CACNA1H: variants seen among roughly 807,000 people sequenced by gnomAD.
CACNA1H encodes voltage-dependent T-type calcium channel subunit alpha-1H.
A neutral mutation model predicts 192.5 loss-of-function variants in CACNA1H; 149 were observed. The observed-to-expected ratio is 0.77, with a 90% confidence interval of 0.68 to 0.89. CACNA1H has a LOEUF of 0.89. Ranked by LOEUF, CACNA1H falls within the 40% of genes least tolerant of loss-of-function variation. CACNA1H has a pLI of 0.00. For missense variants in CACNA1H, 4,257 were observed against 3,423.5 expected (o/e 1.24, Z -6.08); for synonymous variants, 2,202 against 1,475.2 (o/e 1.49, Z -11.29).
chr16:1,207,041 A>C lies in CACNA1H; in HGVS notation c.2830A>C (p.Lys944Gln). The C allele has an allele frequency of 6.2e-7, 1 of 1,601,410 alleles. No homozygotes were observed. The highest frequency in any genetic ancestry group is 8.5e-7 in the Non-Finnish European group (1 of 1,174,132). Residue 944 changes from lysine (K) to glutamine (Q), a missense_variant, in exon 13 of 35, where the codon AAG (lysine) becomes CAG (glutamine). Physicochemically the swap from Lys to Gln is moderately conservative, Grantham distance 53. Transcript: ENST00000348261. ...CCTTTTCGGCTGCAAGTTCAGCCTG[A>C]AGACAGACACCGGAGACACCGTGCC... ...MHLFGCKFSL[K>Q]TDTGDTVPDR...
At position 1,204,420 on chromosome 16, in the gene CACNA1H, G is replaced by C. The variant is rs568477205; in HGVS notation, c.2413G>C (p.Val805Leu). 1 of 1,550,692 alleles carries C rather than the reference G, an allele frequency of 6.4e-7. No individual in the cohort carries two copies. ...CCGTGGCATCATGATGGCCATCCTTGTCAACACGCTGAGCATGGGCGTGGA... is the reference window on the plus strand; with the variant it reads ...CCGTGGCATCATGATGGCCATCCTTCTCAACACGCTGAGCATGGGCGTGGA... ...FSRGIMMAIL[V>L]NTLSMGVEYH... Residue 805 changes from valine (V) to leucine (L), a missense_variant, in exon 10 of 35, where the codon GTC (valine) becomes CTC (leucine). Val to Leu is a conservative substitution (Grantham distance 32). Coordinates refer to ENST00000348261, the MANE Select transcript of CACNA1H (RefSeq NM_021098.3).
intron 2 of CACNA1H, among the ~76,000 whole-genome samples, chr16:1,187,895 G>C (rs1367668567): frequency 1.3e-5 from 2 of 152,216 alleles, no homozygotes; most frequent in Non-Finnish European, 2.9e-5. Flanking sequence ...CATCTGTCCT[G>C]ACCTTCCTTC....
intron 2 of CACNA1H, among the ~76,000 whole-genome samples, chr16:1,165,218 A>G (rs1219169262): frequency 2.0e-5 from 3 of 152,068 alleles, no homozygotes; most frequent in Non-Finnish European, 4.4e-5. Flanking sequence ...AGAGCACACG[A>G]GGCACAGGCC....
Position 1,207,940 on chromosome 16 carries a change from T to C in CACNA1H, c.3155-73T>C, listed in dbSNP as rs2738896. 0.23 allele frequency: 348,894 copies of C among 1,541,612 alleles called. 41,318 individuals carry two copies. Among genetic ancestry groups the C allele is most frequent in the South Asian group, 0.31 (25,793 of 84,276 alleles). On this transcript the variant is annotated intron_variant, in intron 15 of 34. Coordinates refer to ENST00000348261, the MANE Select transcript of CACNA1H (RefSeq NM_021098.3). ...GCCGGGCAGGGCCCCCATAAGGCAA[T>C]CCCTAGGTTGGGGGATTCCTGGTCC... is the stretch of plus-strand genomic sequence containing the variant.
At chr16:1,193,486 C>T (rs550835772) in intron 2 of CACNA1H, among the ~76,000 whole-genome samples, 4 of 152,220 alleles carry the variant, frequency 2.6e-5, no homozygotes, top group Admixed American at 6.5e-5. Flanking sequence ...GCCGTGAAGG[C>T]GCTCACACAC....
intron 6 of CACNA1H, among the ~76,000 whole-genome samples, chr16:1,199,860 T>TC (rs1405091717): frequency 1.3e-5 from 2 of 152,004 alleles, no homozygotes; most frequent in Non-Finnish European, 2.9e-5. Context: ...CCTTTGCCCC[T>TC]CATCCGCTTC....
rs565500101 is a variant in CACNA1H at position 1,180,955 on chromosome 16, C to T, written c.300-14017C>T. Among the ~76,000 whole-genome samples, 8 of 152,312 alleles carry T rather than the reference C, an allele frequency of 5.3e-5. No homozygotes were observed. Among genetic ancestry groups the T allele is most frequent in the African/African-American group, 7.2e-5 (3 of 41,582 alleles). ...GAAAGCGCCTTGGCGGGACTGCTTC[C>T]GCCAGCTTCCCGGCCAGACCCAAGG... On this transcript the variant is annotated intron_variant, in intron 2 of 34. Coordinates refer to ENST00000348261, the MANE Select transcript of CACNA1H (RefSeq NM_021098.3). The surrounding 1 kb of genome is among the most constrained non-coding windows in gnomAD (Gnocchi z 4.4).
At chr16:1,192,040 C>G (rs887106658) in intron 2 of CACNA1H, among the ~76,000 whole-genome samples, 12 of 152,382 alleles carry the variant, frequency 7.9e-5, no homozygotes, top group Non-Finnish European at 1.3e-4. Flanking sequence ...CCTTGCCCCT[C>G]TATGGTCTTC....
At chr16:1,178,333 C>T (rs1965122231) in intron 2 of CACNA1H, among the ~76,000 whole-genome samples, 1 of 140,422 alleles carries the variant, frequency 7.1e-6, no homozygotes, top group African/African-American at 2.7e-5. Context: ...CATTTACGGG[C>T]TTCTTCTGGT....
chr16:1,215,646 A>G (rs1969962757), intron 30 of CACNA1H, 53 bp downstream of exon 30: 4 of 1,489,596 alleles, frequency 2.7e-6, no homozygotes, highest in South Asian at 1.2e-5. Flanking sequence ...ACGGGGTTGC[A>G]GGGAGCGCCT....
intron 2 of CACNA1H, among the ~76,000 whole-genome samples, chr16:1,158,361 G>A (rs975181357): frequency 6.6e-6 from 1 of 152,128 alleles, no homozygotes; most frequent in African/African-American, 2.4e-5. Context: ...AGGCCCCCGG[G>A]GGTGACGACA....
chr16:1,176,990 G>A (rs1321414562), intron 2 of CACNA1H, among the ~76,000 whole-genome samples: 8 of 152,246 alleles, frequency 5.3e-5, no homozygotes, highest in Admixed American at 3.3e-4. Flanking sequence ...GGGAGGAGGC[G>A]CTGGAAAAGG....
rs748236037 is a variant in CACNA1H at position 1,220,020 on chromosome 16, A to G, written c.6088A>G (p.Ser2030Gly). 1.5e-6 allele frequency: 2 copies of G among 1,358,024 alleles called. No homozygotes were observed. Among genetic ancestry groups the G allele is most frequent in the Admixed American group, 6.6e-5 (2 of 30,410 alleles). The allele number at this position is 1,358,024 out of a possible 1,614,324, so 84.1% of individuals were successfully genotyped here. ...CGATTCCTTGGAAGGGAAGATTGAC[A>G]GCCCTAGGGACACCCTGGATCCTGC... Reference protein sequence around the residue: ...HTDSLEGKIDSPRDTLDPAEP... With the variant: ...HTDSLEGKIDGPRDTLDPAEP... The change falls in exon 35 of 35, where the codon AGC (serine) becomes GGC (glycine). Residue 2030 changes from serine (S) to glycine (G), a missense_variant. Transcript: ENST00000348261.
At chr16:1,219,563 C>T (rs932984220) in intron 34 of CACNA1H, among the ~76,000 whole-genome samples, 1 of 152,218 alleles carries the variant, frequency 6.6e-6, no homozygotes, top group South Asian at 2.1e-4. Context: ...CCCAGCCTTG[C>T]CCACCTGCAG....
rs11248857 is a variant in CACNA1H, at chr16:1,191,228, A to C, written c.300-3744A>C. Reference sequence around the variant, plus strand: ...CAGGCTGGCCTGGCTGTGTGGCCTCAGGCACACTCGGGGTCTCTGACCCAG... The same window carrying C: ...CAGGCTGGCCTGGCTGTGTGGCCTCCGGCACACTCGGGGTCTCTGACCCAG... On this transcript the variant is annotated intron_variant, in intron 2 of 34. Coordinates refer to ENST00000348261, the MANE Select transcript of CACNA1H (RefSeq NM_021098.3). Among the ~76,000 whole-genome samples the C allele has an allele frequency of 1.8e-3, 85 of 47,556 alleles. 6 individuals carry two copies. Among genetic ancestry groups the C allele is most frequent in the Middle Eastern group, 0.024 (1 of 42 alleles). 31.2% of individuals were successfully genotyped at this position (47,556 alleles called of 152,430 possible).
chr16:1,217,860 A>G (rs1021416790), intron 31 of CACNA1H, 59 bp from the exon 32 acceptor site: 4 of 1,525,926 alleles, frequency 2.6e-6, no homozygotes, highest in Non-Finnish European at 2.7e-6. Context: ...GGCTGGGTGC[A>G]TGTCCCGCCT....
At position 1,211,194 on chromosome 16, in the gene CACNA1H, A is replaced by C; in HGVS notation, c.4250A>C (p.Lys1417Thr). The change falls in exon 22 of 35, where the codon AAG (lysine) becomes ACG (threonine). Residue 1417 changes from lysine to threonine, a missense_variant. Transcript: ENST00000348261. ...LRVISRAPGL[K>T]LVVETLISSL... is the part of the protein sequence containing the mutation. Reference sequence around the variant, plus strand: ...GTCATCAGCCGGGCCCCGGGCCTCAAGCTGGTGGTGGAGACGCTGATATCA... The same window carrying C: ...GTCATCAGCCGGGCCCCGGGCCTCACGCTGGTGGTGGAGACGCTGATATCA... The C allele has an allele frequency of 6.2e-7, 1 of 1,612,916 alleles. No individual in the cohort carries two copies. The highest frequency in any genetic ancestry group is 8.5e-7 in the Non-Finnish European group (1 of 1,179,746).
At chr16:1,216,654 A>G (rs1002444929) in intron 30 of CACNA1H, among the ~76,000 whole-genome samples, 2 of 152,194 alleles carry the variant, frequency 1.3e-5, no homozygotes, top group African/African-American at 4.8e-5. Context: ...GCTGATGCTC[A>G]GGGGCAGGGC....
intron 2 of CACNA1H, among the ~76,000 whole-genome samples, chr16:1,187,466 C>A (rs575520590): frequency 6.6e-6 from 1 of 152,364 alleles, no homozygotes; most frequent in Middle Eastern, 3.4e-3. Flanking sequence ...GTGCCTTTCC[C>A]GCCCACACCC....
Sources: gnomAD v4.1 joint callset for allele counts (sites outside exome capture counted in the v4.1 genomes callset) on GRCh38, gnomAD v4.1.1 for gene constraint, Gnocchi (gnomAD v3.1) non-coding constraint, MANE v1.5 for transcripts, NCBI Gene and HGNC (gene_info 2026-07-23, HGNC 2026-07-21) for gene names.